CSRNP3: variants seen among roughly 807,000 people sequenced by gnomAD.
The protein encoded by CSRNP3 is cysteine and serine rich nuclear protein 3.
CSRNP3 carries 12 observed loss-of-function variants against 48.0 expected under a neutral mutation model. That is an observed-to-expected ratio of 0.25 (90% CI 0.16 to 0.41). CSRNP3 has a LOEUF of 0.41. Ranked by LOEUF, CSRNP3 falls within the 10% of genes least tolerant of loss-of-function variation. The pLI is 1.00. For missense variants in CSRNP3, 580 were observed against 724.4 expected, an observed-to-expected ratio of 0.80 and a Z score of 2.29; for synonymous variants, 263 against 269.7, an observed-to-expected ratio of 0.98 and a Z score of 0.24.
chr2:165,655,013 C>G (rs1686979098), intron 4 of CSRNP3, among the ~76,000 whole-genome samples: 1 of 152,168 alleles, frequency 6.6e-6, no homozygotes, highest in Non-Finnish European at 1.5e-5. Context: ...ACTGATTAAA[C>G]AAATCCATAA....
At chr2:165,470,224 G>T (rs1053257370) in intron 1 of CSRNP3, among the ~76,000 whole-genome samples, 5 of 152,060 alleles carry the variant, frequency 3.3e-5, no homozygotes, top group Non-Finnish European at 7.4e-5. Context: ...TATTTTTGCA[G>T]GTTGTAGACT....
chr2:165,667,612 G>A (rs7423034), intron 5 of CSRNP3, among the ~76,000 whole-genome samples: 103,596 of 151,952 alleles, frequency 0.68, 36,338 homozygotes, highest in South Asian at 0.77. Flanking sequence ...GTCCTCTTTC[G>A]CTGTCTCCTC....
chr2:165,479,729 C>G (rs893941662), intron 1 of CSRNP3, among the ~76,000 whole-genome samples: 1 of 151,544 alleles, frequency 6.6e-6, no homozygotes, highest in Non-Finnish European at 1.5e-5. Context: ...TACTAAAAAT[C>G]AAAAAAATTA....
chr2:165,582,200 A>G (rs551840356), intron 3 of CSRNP3, among the ~76,000 whole-genome samples: 47 of 152,310 alleles, frequency 3.1e-4, no homozygotes, highest in Admixed American at 2.2e-3. Flanking sequence ...CTGAAACTTC[A>G]GTTTCCTTTG....
chr2:165,628,111 C>T (rs1686469022), intron 4 of CSRNP3, among the ~76,000 whole-genome samples: 2 of 152,184 alleles, frequency 1.3e-5, no homozygotes, highest in Non-Finnish European at 2.9e-5. Flanking sequence ...ATCCTACCAG[C>T]CCTACTCTGG....
chr2:165,601,003 A>G (rs1685905427), intron 4 of CSRNP3, among the ~76,000 whole-genome samples: 1 of 152,236 alleles, frequency 6.6e-6, no homozygotes, highest in East Asian at 1.9e-4. Flanking sequence ...ACATTATGGT[A>G]ATAAAAGCTT....
At chr2:165,514,623 C>A (rs565971798) in intron 2 of CSRNP3, among the ~76,000 whole-genome samples, 1 of 152,364 alleles carries the variant, frequency 6.6e-6, no homozygotes, top group Admixed American at 6.5e-5. Context: ...GCATCAACTA[C>A]TGTGCATTGT....
At chr2:165,541,104 C>T (rs887387904) in intron 3 of CSRNP3, among the ~76,000 whole-genome samples, 2 of 151,830 alleles carry the variant, frequency 1.3e-5, no homozygotes, top group Non-Finnish European at 2.9e-5. Context: ...TGAGTATTTA[C>T]CTGAAGGGTC....
chr2:165,658,998 A>C (rs1573950530), intron 5 of CSRNP3, among the ~76,000 whole-genome samples: 1 of 152,184 alleles, frequency 6.6e-6, no homozygotes, highest in Non-Finnish European at 1.5e-5. Context: ...AGAAGAATGA[A>C]GTAACGTGAA....
chr2:165,517,831 A>G lies in CSRNP3; in HGVS notation c.-112-42A>G, dbSNP rs894332140. 5 of 152,416 alleles carry G rather than the reference A, an allele frequency of 3.3e-5. No individual in the cohort carries two copies. The South Asian group carries it at 8.3e-4, about 25-fold the overall frequency. 9.4% of individuals were successfully genotyped at this position (152,416 alleles called of 1,614,324 possible). A position where few individuals can be genotyped will look rare whatever the true frequency, so the allele number is the denominator to read the frequency against. ...TTTAGTAAGTTTGCTCTTTGAAAAC[A>G]TAACCTTACATAACATTCTGAAACG... On this transcript the variant is annotated intron_variant, in intron 2 of 6. Coordinates refer to ENST00000651982, the MANE Select transcript of CSRNP3 (RefSeq NM_001172173.2).
chr2:165,539,549 T>C (rs1684926050), intron 3 of CSRNP3, among the ~76,000 whole-genome samples: 2 of 152,222 alleles, frequency 1.3e-5, no homozygotes, highest in Non-Finnish European at 2.9e-5. Flanking sequence ...GAACAAAGGC[T>C]TTAGTCTGTT....
chr2:165,544,902 C>G (rs1223681394), intron 3 of CSRNP3, among the ~76,000 whole-genome samples: 4 of 152,050 alleles, frequency 2.6e-5, no homozygotes, highest in African/African-American at 4.8e-5. Context: ...AGAATTGAGA[C>G]TTAACCCTCT....
chr2:165,582,003 A>G lies in CSRNP3; in HGVS notation c.-23-13040A>G, dbSNP rs1350903185. Among the ~76,000 whole-genome samples, 3 of 152,206 alleles carry G rather than the reference A, an allele frequency of 2.0e-5. No homozygotes were observed. In the East Asian group the frequency reaches 5.8e-4, roughly 29 times the overall value. The stretch of plus-strand genomic sequence containing the variant: ...ATTCAGTCTCCACAAAGTGTTTTAT[A>G]ATCAAGTTTGAGAAAAACATTGGGT... On this transcript the variant is annotated intron_variant, in intron 3 of 6. Coordinates refer to ENST00000651982, the MANE Select transcript of CSRNP3 (RefSeq NM_001172173.2).
At chr2:165,585,208 ATG>A (rs1186154626) in intron 3 of CSRNP3, among the ~76,000 whole-genome samples, 1 of 139,484 alleles carries the variant, frequency 7.2e-6, no homozygotes, top group South Asian at 2.3e-4. Flanking sequence ...TCATAGCATA[ATG>A]TGTTTTTTTT....
chr2:165,516,410 G>A (rs1375450869), intron 2 of CSRNP3, among the ~76,000 whole-genome samples: 1 of 152,064 alleles, frequency 6.6e-6, no homozygotes, highest in Non-Finnish European at 1.5e-5. Flanking sequence ...GGTGACTATA[G>A]TTAATGATGC....
intron 5 of CSRNP3, among the ~76,000 whole-genome samples, chr2:165,665,775 A>AG (rs1687171026): frequency 7.6e-5 from 10 of 131,290 alleles, no homozygotes; most frequent in African/African-American, 1.2e-4. Flanking sequence ...AAAAGAAAGA[A>AG]AGAGAGAGAG....
intron 3 of CSRNP3, among the ~76,000 whole-genome samples, chr2:165,520,207 CATT>C (rs1233089929): frequency 2.0e-5 from 3 of 152,106 alleles, no homozygotes; most frequent in Admixed American, 2.0e-4. Context: ...TTTGTGCAAT[CATT>C]AACAAATGAG....
intron 1 of CSRNP3, among the ~76,000 whole-genome samples, chr2:165,472,503 A>G (rs1426271996): frequency 6.6e-6 from 1 of 152,016 alleles, no homozygotes; most frequent in Non-Finnish European, 1.5e-5. Flanking sequence ...AAAAAAAATC[A>G]CAATTATCAT....
At position 165,681,825 on chromosome 2, in the gene CSRNP3, G is replaced by GTA. The variant is rs1372492845; in HGVS notation, c.*2073_*2074insAT. The GTA allele has an allele frequency of 1.4e-5, 2 of 141,012 alleles. No individual in the cohort carries two copies. Among genetic ancestry groups the GTA allele is most frequent in the African/African-American group, 5.3e-5 (2 of 37,886 alleles). The allele number at this position is 141,012 out of a possible 1,614,324, so 8.7% of individuals were successfully genotyped here. The stretch of plus-strand genomic sequence containing the variant: ...TGTATGTGTGTGTGTGTGTGTGTGT[G>GTA]TGTGTATATATATATATCCCATGTT... On this transcript the variant is annotated 3_prime_UTR_variant, in exon 7 of 7. Coordinates refer to ENST00000651982, the MANE Select transcript of CSRNP3 (RefSeq NM_001172173.2).
Sources: allele counts gnomAD v4.1 joint callset (sites outside exome capture counted in the v4.1 genomes callset), GRCh38; gene constraint gnomAD v4.1.1; transcripts MANE v1.5; gene names NCBI Gene and HGNC (gene_info 2026-07-23, HGNC 2026-07-21).